SLC16A12: variants seen among roughly 807,000 people sequenced by gnomAD.
SLC16A12 encodes solute carrier family 16 member 12, also known as monocarboxylate transporter 12.
Under a neutral mutation model 42.4 loss-of-function variants are expected in SLC16A12, and 17 were observed. That is an observed-to-expected ratio of 0.40 (90% confidence interval 0.27 to 0.60). The LOEUF is 0.60. Ranked by LOEUF, SLC16A12 falls within the 20% of genes least tolerant of loss-of-function variation. The pLI is 0.42. For missense variants in SLC16A12, 544 were observed against 623.0 expected (o/e 0.87, Z 1.35); for synonymous variants, 224 against 229.4 (o/e 0.98, Z 0.21).
chr10:89,486,846 C>T (rs1218375401), intron 2 of SLC16A12, among the ~76,000 whole-genome samples: 1 of 152,066 alleles, frequency 6.6e-6, no homozygotes, highest in Non-Finnish European at 1.5e-5. Flanking sequence ...ATAAAGATAA[C>T]TGTGACTCTT....
rs562980966 is a variant in SLC16A12, at chr10:89,535,496, C to T, written c.-241G>A. On this transcript the variant is annotated 5_prime_UTR_variant, in exon 1 of 8. Coordinates refer to ENST00000371790, the MANE Select transcript of SLC16A12 (RefSeq NM_213606.4). ...GTCAGGGAGAGGGAAGAGGGGGAGC[C>T]GAGGAAGCTTCTTGGCCAGGGCGCT... 128 of 152,928 alleles carry T rather than the reference C, an allele frequency of 8.4e-4. No homozygotes were observed. The highest frequency in any genetic ancestry group is 3.4e-3 in the Middle Eastern group (1 of 296). The allele number at this position is 152,928 out of a possible 1,614,324, so 9.5% of individuals were successfully genotyped here. A position where few individuals can be genotyped will look rare whatever the true frequency, so the allele number is the denominator to read the frequency against.
At chr10:89,452,656 AAC>A (rs997237094) in intron 3 of SLC16A12, among the ~76,000 whole-genome samples, 8 of 152,140 alleles carry the variant, frequency 5.3e-5, no homozygotes, top group African/African-American at 1.9e-4. Context: ...GAAAAAATGG[AAC>A]AGTGTGGTGA....
chr10:89,448,376 G>A (rs1010578124), intron 3 of SLC16A12, among the ~76,000 whole-genome samples: 2 of 151,968 alleles, frequency 1.3e-5, no homozygotes, highest in African/African-American at 4.8e-5. Flanking sequence ...TAAAATACTG[G>A]CAAACCAAAT....
At chr10:89,533,578 T>C (rs1015972429) in intron 2 of SLC16A12, among the ~76,000 whole-genome samples, 1 of 152,194 alleles carries the variant, frequency 6.6e-6, no homozygotes. Flanking sequence ...TTCATGTTTT[T>C]ACTTCTGATC....
intron 2 of SLC16A12, among the ~76,000 whole-genome samples, chr10:89,524,151 T>A (rs1302740382): frequency 6.6e-6 from 1 of 152,108 alleles, no homozygotes; most frequent in Non-Finnish European, 1.5e-5. Flanking sequence ...ATAAAAATAA[T>A]AAATAAAAGT....
At chr10:89,471,790 G>A (rs926009621) in intron 2 of SLC16A12, among the ~76,000 whole-genome samples, 1 of 152,138 alleles carries the variant, frequency 6.6e-6, no homozygotes, top group Non-Finnish European at 1.5e-5. Flanking sequence ...GCAATACTTG[G>A]TATTTATGGT....
At chr10:89,554,085 A>G (rs1340735117) in intron 2 of SLC16A12, among the ~76,000 whole-genome samples, 2 of 93,346 alleles carry the variant, frequency 2.1e-5, no homozygotes, top group African/African-American at 6.9e-5. Context: ...AGAAAGAAAG[A>G]AAGAAAGAAA....
chr10:89,465,050 T>C (rs10887965), intron 2 of SLC16A12, among the ~76,000 whole-genome samples: 31,661 of 152,096 alleles, frequency 0.21, 3,501 homozygotes, highest in East Asian at 0.29. Context: ...GACTAATAGT[T>C]AAAATACTGG....
At chr10:89,539,789 T>C (rs112761582), upstream of SLC16A12, among the ~76,000 whole-genome samples, 308 of 152,364 alleles carry the variant, frequency 2.0e-3, 4 homozygotes, top group African/African-American at 5.5e-3. Context: ...CGTAGTCAGC[T>C]GTACAGATTA....
intron 2 of SLC16A12, among the ~76,000 whole-genome samples, chr10:89,555,422 A>G (rs965241802): frequency 1.4e-5 from 2 of 142,556 alleles, no homozygotes; most frequent in African/African-American, 5.2e-5. Flanking sequence ...GTACAAACAC[A>G]GTTAGGCTTT....
Position 89,521,570 on chromosome 10 carries a change from G to A in SLC16A12, c.-47+12931C>T, listed in dbSNP as rs1230420170. On this transcript the variant is annotated intron_variant, in intron 2 of 7. Transcript: ENST00000371790. ...CACACTGAGTCCTACTGAAGCTTCCGGCCCCTCTCCCATGACCCTCACCCC... is the reference window on the plus strand; with the variant it reads ...CACACTGAGTCCTACTGAAGCTTCCAGCCCCTCTCCCATGACCCTCACCCC... Among the ~76,000 whole-genome samples, 3 of 152,112 alleles carry A rather than the reference G, an allele frequency of 2.0e-5. No homozygotes were observed. In the East Asian group the frequency reaches 5.8e-4, roughly 29 times the overall value.
At position 89,483,738 on chromosome 10, in the gene SLC16A12, TA is replaced by T. The variant is rs1253654983; in HGVS notation, c.-46-21115del. 3.1e-3 allele frequency among the ~76,000 whole-genome samples: 195 copies of T among 62,310 alleles called. 1 individual carries two copies. Among genetic ancestry groups the T allele is most frequent in the East Asian group, 0.023 (64 of 2,766 alleles). 40.9% of individuals were successfully genotyped at this position (62,310 alleles called of 152,430 possible). On this transcript the variant is annotated intron_variant, in intron 2 of 7. Transcript: ENST00000371790. ...TGGCAACATAGTGAGACGCTGCCTC[TA>T]AAAAAAAAAAAAAACAAAAAAAAAA...
chr10:89,443,885 A>G (rs746798529), intron 3 of SLC16A12, 26 bp from the exon 4 acceptor site: 1 of 1,436,338 alleles, frequency 7.0e-7, no homozygotes. Flanking sequence ...CAGGCATTTT[A>G]TACAAAAAAT....
At chr10:89,465,123 G>T (rs913342376) in intron 2 of SLC16A12, among the ~76,000 whole-genome samples, 15 of 152,128 alleles carry the variant, frequency 9.9e-5, no homozygotes, top group African/African-American at 3.6e-4. Flanking sequence ...CTTGCCATAG[G>T]CCAAGCTGCT....
chr10:89,554,035 A>AGAAAGAAG lies in SLC16A12; in HGVS notation c.-47+1846_-47+1847insCTTCTTTC, dbSNP rs1470855299. On this transcript the variant is annotated intron_variant, in intron 2 of 2. Transcript: ENST00000475682. Reference sequence around the variant, plus strand: ...AAGAGAGAAAGAAAGAGAGAAAGGAAGAAAGAAAGAAAGAAAGAAAGAAAG... The same window carrying AGAAAGAAG: ...AAGAGAGAAAGAAAGAGAGAAAGGAAGAAAGAAGGAAAGAAAGAAAGAAAGAAAGAAAG... 2.0e-3 allele frequency among the ~76,000 whole-genome samples: 85 copies of AGAAAGAAG among 43,552 alleles called. 6 individuals carry two copies. The highest frequency in any genetic ancestry group is 8.6e-3 in the African/African-American group (82 of 9,506). The allele number at this position is 43,552 out of a possible 152,430, so 28.6% of individuals were successfully genotyped here.
At chr10:89,492,796 G>A (rs1842866235) in intron 2 of SLC16A12, among the ~76,000 whole-genome samples, 1 of 151,850 alleles carries the variant, frequency 6.6e-6, no homozygotes, top group Admixed American at 6.6e-5. Flanking sequence ...GGTAGAGAAG[G>A]TTAATAGTCA....
chr10:89,528,026 A>G (rs759224333), intron 2 of SLC16A12, among the ~76,000 whole-genome samples: 35 of 152,224 alleles, frequency 2.3e-4, no homozygotes, highest in East Asian at 1.7e-3. Flanking sequence ...TAAGAGTCCT[A>G]TATAATATCT....
chr10:89,510,279 C>A (rs1464712479), intron 2 of SLC16A12, among the ~76,000 whole-genome samples: 4 of 152,216 alleles, frequency 2.6e-5, no homozygotes, highest in Non-Finnish European at 5.9e-5. Context: ...ATAGCCAAGA[C>A]AATCCTAACC....
At chr10:89,542,909 C>A (rs1843723488) in intron 2 of SLC16A12, among the ~76,000 whole-genome samples, 1 of 152,192 alleles carries the variant, frequency 6.6e-6, no homozygotes, top group South Asian at 2.1e-4. Context: ...CTAATGGGCA[C>A]CCTCTGTTAC....
Sources: allele counts gnomAD v4.1 joint callset (sites outside exome capture counted in the v4.1 genomes callset), GRCh38; gene constraint gnomAD v4.1.1; transcripts MANE v1.5; gene names NCBI Gene and HGNC (gene_info 2026-07-23, HGNC 2026-07-21).